CNTLN: variants seen among roughly 807,000 people sequenced by gnomAD.
CNTLN encodes centlein.
Under a neutral mutation model 180.0 loss-of-function variants are expected in CNTLN, and 212 were observed. That is an observed-to-expected ratio of 1.18 (90% CI 1.05 to 1.32). The LOEUF (loss-of-function observed/expected upper bound fraction) is 1.32, where lower values mean the gene tolerates loss of function less well. Ranked by LOEUF, CNTLN falls within the 40% of genes most tolerant of loss-of-function variation. CNTLN has a pLI of 0.00. For missense variants in CNTLN, 2,095 were observed against 1,610.9 expected (o/e 1.30, Z -5.14); for synonymous variants, 722 against 563.1 (o/e 1.28, Z -3.99).
intron 2 of CNTLN, among the ~76,000 whole-genome samples, chr9:17,160,468 T>A (rs1353172943): frequency 1.3e-5 from 2 of 152,184 alleles, no homozygotes; most frequent in Non-Finnish European, 2.9e-5. Context: ...GAGGGTAATC[T>A]TTGATACCTT....
chr9:17,206,220 CT>C (rs998904239), intron 2 of CNTLN, among the ~76,000 whole-genome samples: 1 of 151,988 alleles, frequency 6.6e-6, no homozygotes, highest in Non-Finnish European at 1.5e-5. Context: ...CCAACCTGGA[CT>C]TTTTTTTAAC....
intron 11 of CNTLN, 62 bp downstream of exon 11, chr9:17,341,010 A>G (rs932371202): frequency 2.1e-6 from 3 of 1,424,508 alleles, no homozygotes; most frequent in African/African-American, 1.5e-5. Flanking sequence ...GTAGCATTAT[A>G]TAGGTGTCTT....
chr9:17,411,602 A>G (rs1827846881), intron 16 of CNTLN, among the ~76,000 whole-genome samples: 1 of 152,160 alleles, frequency 6.6e-6, no homozygotes, highest in South Asian at 2.1e-4. Context: ...GAGGTGGGTG[A>G]GCCATTGTTA....
At position 17,151,768 on chromosome 9, in the gene CNTLN, C is replaced by T. The variant is rs368903048; in HGVS notation, c.449+8392C>T. On this transcript the variant is annotated intron_variant, in intron 2 of 25. Coordinates refer to ENST00000380647, the MANE Select transcript of CNTLN (RefSeq NM_017738.4). ...TCCTCTTTGTACCTCTGGTAGAATTCGGCTGTGAATCCATCTAGTCCTTGA... is the reference window on the plus strand; with the variant it reads ...TCCTCTTTGTACCTCTGGTAGAATTTGGCTGTGAATCCATCTAGTCCTTGA... Among the ~76,000 whole-genome samples, 17 of 152,206 alleles carry T rather than the reference C, an allele frequency of 1.1e-4. No individual in the cohort carries two copies. In the East Asian group the frequency reaches 1.2e-3, roughly 10 times the overall value.
At chr9:17,511,759 C>T in the CNTLN span, among the ~76,000 whole-genome samples, 1,561 of 152,232 alleles carry the variant, frequency 0.01, 18 homozygotes, top group Non-Finnish European at 0.014. Context: ...GGAGCCATTT[C>T]ATGAGCTGCC....
intron 15 of CNTLN, among the ~76,000 whole-genome samples, 177 bp downstream of exon 15, chr9:17,395,246 A>G (rs1235996589): frequency 6.6e-6 from 1 of 152,206 alleles, no homozygotes; most frequent in Non-Finnish European, 1.5e-5. Context: ...TTTGCATGCA[A>G]AATTAGCCAC....
chr9:17,237,441 T>A (rs1825223860), intron 5 of CNTLN, among the ~76,000 whole-genome samples: 1 of 150,004 alleles, frequency 6.7e-6, no homozygotes, highest in African/African-American at 2.5e-5. Context: ...TGACCATATG[T>A]ATCTGCAGGT....
intron 2 of CNTLN, among the ~76,000 whole-genome samples, chr9:17,169,826 G>T (rs1395150245): frequency 3.3e-5 from 5 of 152,082 alleles, no homozygotes; most frequent in Non-Finnish European, 7.4e-5. Flanking sequence ...TTGAAATCAG[G>T]AAGTGTGATG....
chr9:17,301,718 T>C (rs632255), intron 7 of CNTLN: 136,019 of 942,800 alleles, frequency 0.14, 11,560 homozygotes, highest in African/African-American at 0.35. Context: ...TCTTCTTATT[T>C]ATTTATTCTT....
At chr9:17,345,345 G>C (rs1427221310) in intron 12 of CNTLN, among the ~76,000 whole-genome samples, 1 of 151,908 alleles carries the variant, frequency 6.6e-6, no homozygotes, top group African/African-American at 2.4e-5. Flanking sequence ...TACATTGCTA[G>C]TGTATGGATA....
intron 18 of CNTLN, among the ~76,000 whole-genome samples, chr9:17,435,582 CAG>C (rs1282751981): frequency 1.3e-4 from 19 of 145,330 alleles, no homozygotes; most frequent in African/African-American, 4.8e-4. Flanking sequence ...TTCTTTGAGA[CAG>C]AGTTTTGCTC....
At chr9:17,455,350 C>A (rs1361168016) in intron 18 of CNTLN, among the ~76,000 whole-genome samples, 1 of 152,094 alleles carries the variant, frequency 6.6e-6, no homozygotes, top group Admixed American at 6.6e-5. Context: ...TAATAAAGTA[C>A]AAGTCATTTA....
At chr9:17,460,050 G>A (rs978757556) in intron 19 of CNTLN, among the ~76,000 whole-genome samples, 18 of 151,484 alleles carry the variant, frequency 1.2e-4, no homozygotes, top group African/African-American at 4.1e-4. Context: ...GGCTAGATTC[G>A]AATATACTAA....
chr9:17,291,597 A>T (rs1829413111), intron 6 of CNTLN, among the ~76,000 whole-genome samples: 1 of 152,094 alleles, frequency 6.6e-6, no homozygotes, highest in African/African-American at 2.4e-5. Context: ...GTTGGTTTAA[A>T]GTCTATTTTG....
At chr9:17,483,568 C>G (rs958050148) in intron 23 of CNTLN, among the ~76,000 whole-genome samples, 12 of 152,204 alleles carry the variant, frequency 7.9e-5, no homozygotes, top group South Asian at 4.1e-4. Flanking sequence ...CTAACCTGCT[C>G]TCAGCTCACA....
chr9:17,392,402 T>G (rs553803674), intron 14 of CNTLN, among the ~76,000 whole-genome samples: 2 of 152,358 alleles, frequency 1.3e-5, no homozygotes, highest in African/African-American at 4.8e-5. Context: ...TGGGCAGTGA[T>G]TAACACTCCT....
rs151137722 is a variant in CNTLN at position 17,249,995 on chromosome 9, T to C, written c.849+13407T>C. Among the ~76,000 whole-genome samples the C allele has an allele frequency of 1.5e-3, 224 of 151,510 alleles. 1 individual carries two copies. The highest frequency in any genetic ancestry group is 2.3e-3 in the Non-Finnish European group (156 of 67,884). On this transcript the variant is annotated intron_variant, in intron 5 of 25. Coordinates refer to ENST00000380647, the MANE Select transcript of CNTLN (RefSeq NM_017738.4). ...TGGAATATTGAATTTTCAACTATTA[T>C]TGTAAATTTTTCTGTTTCTCTGTCA...
At chr9:17,223,010 A>T (rs903936444) in intron 2 of CNTLN, among the ~76,000 whole-genome samples, 1 of 152,028 alleles carries the variant, frequency 6.6e-6, no homozygotes, top group African/African-American at 2.4e-5. Context: ...ATACGTTCCA[A>T]GCCTCCCAAC....
chr9:17,308,981 C>T (rs866924735), intron 7 of CNTLN, 77 bp from the exon 8 acceptor site: 1,281 of 457,550 alleles, frequency 2.8e-3, no homozygotes, highest in Admixed American at 5.7e-3. Context: ...TGTATATATA[C>T]ACACACACAC....
Sources: gnomAD v4.1 joint callset for allele counts (sites outside exome capture counted in the v4.1 genomes callset) on GRCh38, gnomAD v4.1.1 for gene constraint, MANE v1.5 for transcripts, NCBI Gene and HGNC (gene_info 2026-07-23, HGNC 2026-07-21) for gene names.